NOP58: variants seen among roughly 807,000 people sequenced by gnomAD.
The protein encoded by NOP58 is NOP58 ribonucleoprotein, also known as nucleolar protein 58.
A neutral mutation model predicts 71.2 loss-of-function variants in NOP58; 44 were observed. That is an observed-to-expected ratio of 0.62 (90% CI 0.49 to 0.79). NOP58 has a LOEUF of 0.79. Among genes scored for constraint, NOP58 ranks in the 30% least tolerant of loss-of-function variants. The pLI is 0.00. For synonymous variants in NOP58, 228 were observed against 200.3 expected (o/e 1.14, Z -1.17); for missense variants, 538 against 620.2 (o/e 0.87, Z 1.41).
At chr2:202,282,221 C>A (rs975135794) in intron 3 of NOP58, 130 bp from the exon 4 acceptor site, 5 of 680,414 alleles carry the variant, frequency 7.3e-6, no homozygotes, top group Non-Finnish European at 1.2e-5. Flanking sequence ...TATATCATTT[C>A]ATTTCAGAAG....
At chr2:202,289,281 A>G (rs180766716) in intron 6 of NOP58, among the ~76,000 whole-genome samples, 31 of 152,362 alleles carry the variant, frequency 2.0e-4, no homozygotes, top group African/African-American at 6.5e-4. Flanking sequence ...TAACAGATGA[A>G]TGGATAAACT....
intron 1 of NOP58, among the ~76,000 whole-genome samples, chr2:202,269,721 A>G (rs1337265359): frequency 6.6e-6 from 1 of 152,056 alleles, no homozygotes. Flanking sequence ...AGCCTGGGCG[A>G]CAGGGCAAGA....
chr2:202,276,311 G>A (rs1324287175), intron 2 of NOP58: 2 of 245,104 alleles, frequency 8.2e-6, no homozygotes, highest in Non-Finnish European at 1.7e-5. Context: ...CTGCACTCCA[G>A]TCTGGGTGTC....
Position 202,303,534 on chromosome 2 carries a change from T to G in NOP58, c.*98T>G. On this transcript the variant is annotated 3_prime_UTR_variant, in exon 15 of 15. Transcript: ENST00000264279. ...GCTCTCTAACGTAATCAAGGGAAGGTTCAGTAAGACAAAGTGATTTATCAT... is the reference window on the plus strand; with the variant it reads ...GCTCTCTAACGTAATCAAGGGAAGGGTCAGTAAGACAAAGTGATTTATCAT... 2 of 1,447,608 alleles carry G rather than the reference T, an allele frequency of 1.4e-6. No individual in the cohort carries two copies. The highest frequency in any genetic ancestry group is 1.8e-6 in the Non-Finnish European group (2 of 1,092,074). 89.7% of individuals were successfully genotyped at this position (1,447,608 alleles called of 1,614,324 possible). A position where few individuals can be genotyped will look rare whatever the true frequency, so the allele number is the denominator to read the frequency against.
Position 202,297,499 on chromosome 2 carries a change from T to C in NOP58, c.1192T>C (p.Leu398=). 2 of 1,613,906 alleles carry C rather than the reference T, an allele frequency of 1.2e-6. No individual in the cohort carries two copies. Among genetic ancestry groups the C allele is most frequent in the Non-Finnish European group, 1.7e-6 (2 of 1,179,860 alleles). The change falls in exon 11 of 15, where the codon TTG becomes CTG. Residue 398 remains leucine, a synonymous_variant. Coordinates refer to ENST00000264279, the MANE Select transcript of NOP58 (RefSeq NM_015934.5). ...CAAATTAGAGGCCAGGTTGAGAACT[T>C]TGGAAGACAGAGGGGTAAGAACTAC... ...RAKLEARLRT[L]EDRGIRKISG... is the part of the protein sequence containing the mutation.
At chr2:202,292,634 T>G in intron 8 of NOP58, 143 bp from the exon 9 acceptor site, 1 of 611,308 alleles carries the variant, frequency 1.6e-6, no homozygotes, top group South Asian at 2.2e-5. Context: ...AAAAGAAAAC[T>G]GATGTTAGGC....
chr2:202,301,435 G>C (rs889467688), intron 13 of NOP58, among the ~76,000 whole-genome samples: 12 of 151,776 alleles, frequency 7.9e-5, no homozygotes, highest in African/African-American at 2.9e-4. Context: ...CACCCACTCC[G>C]GCCTCCCAAA....
In NOP58 at chr2:202,271,785, G is replaced by C. The variant is rs377330875; in HGVS notation, c.46-3328G>C. ...AAGCAAGCCCCTGTCTCTACAAAAA[G>C]ATTTTTAAAAGAGCTAGATGTCGCA... On this transcript the variant is annotated intron_variant, in intron 1 of 14. Coordinates refer to ENST00000264279, the MANE Select transcript of NOP58 (RefSeq NM_015934.5). Among the ~76,000 whole-genome samples, 7 of 151,842 alleles carry C rather than the reference G, an allele frequency of 4.6e-5. No individual in the cohort carries two copies. The South Asian group carries it at 1.5e-3, about 32-fold the overall frequency.
chr2:202,292,350 A>G (rs1324884927), intron 8 of NOP58, among the ~76,000 whole-genome samples: 1 of 152,106 alleles, frequency 6.6e-6, no homozygotes, highest in Non-Finnish European at 1.5e-5. Context: ...CAGTGGACCA[A>G]GTAGTTTACA....
At chr2:202,292,647 A>T in intron 8 of NOP58, 130 bp from the exon 9 acceptor site, 1 of 671,132 alleles carries the variant, frequency 1.5e-6, no homozygotes, top group East Asian at 2.7e-5. Flanking sequence ...TGTTAGGCAT[A>T]GGTGATGTAC....
At chr2:202,267,268 T>C (rs781752961) in intron 1 of NOP58, among the ~76,000 whole-genome samples, 57 of 152,332 alleles carry the variant, frequency 3.7e-4, no homozygotes, top group Non-Finnish European at 7.9e-4. Flanking sequence ...AATACAATTT[T>C]AGCTATGAAC....
intron 5 of NOP58, among the ~76,000 whole-genome samples, chr2:202,285,285 A>G (rs1445309703): frequency 1.3e-5 from 2 of 149,364 alleles, no homozygotes; most frequent in Non-Finnish European, 3.0e-5. Flanking sequence ...CAAATGATCC[A>G]TCCGCCTTGG....
chr2:202,268,852 C>T (rs1197881054), intron 1 of NOP58, among the ~76,000 whole-genome samples: 1 of 152,100 alleles, frequency 6.6e-6, no homozygotes, highest in Non-Finnish European at 1.5e-5. Flanking sequence ...AGGTGATCTG[C>T]CCGCCTCAGC....
At chr2:202,285,042 T>C (rs761814643) in intron 5 of NOP58, among the ~76,000 whole-genome samples, 3 of 151,934 alleles carry the variant, frequency 2.0e-5, no homozygotes, top group Non-Finnish European at 2.9e-5. Context: ...TTTGTTTTGT[T>C]TTTGTTTTGT....
chr2:202,274,364 T>C (rs1688555392), intron 1 of NOP58, among the ~76,000 whole-genome samples: 1 of 151,388 alleles, frequency 6.6e-6, no homozygotes, highest in Non-Finnish European at 1.5e-5. Context: ...GTGGCGGGGA[T>C]TACAGGCATG....
chr2:202,302,769 C>A, intron 13 of NOP58, 152 bp from the exon 14 acceptor site: 1 of 981,268 alleles, frequency 1.0e-6, no homozygotes, highest in South Asian at 1.8e-5. Context: ...TAGTGGTAGG[C>A]CTTGGAGAAC....
chr2:202,283,143 C>A (rs1430814042), intron 4 of NOP58, among the ~76,000 whole-genome samples: 1 of 152,198 alleles, frequency 6.6e-6, no homozygotes, highest in Non-Finnish European at 1.5e-5. Flanking sequence ...TCACTGCAGA[C>A]TTGACCTCCT....
chr2:202,286,777 A>G (rs1272853324), intron 5 of NOP58, among the ~76,000 whole-genome samples: 10 of 152,168 alleles, frequency 6.6e-5, no homozygotes, highest in Non-Finnish European at 8.8e-5. Context: ...GTCTATGTCC[A>G]TAGACATTTT....
chr2:202,291,774 C>T (rs1315495029), intron 8 of NOP58, among the ~76,000 whole-genome samples: 1 of 132,056 alleles, frequency 7.6e-6, no homozygotes, highest in Admixed American at 8.9e-5. Context: ...ACCATTGCAT[C>T]CAGCCTGGGC....
Sources: allele counts gnomAD v4.1 joint callset (sites outside exome capture counted in the v4.1 genomes callset), GRCh38; gene constraint gnomAD v4.1.1; transcripts MANE v1.5; gene names NCBI Gene and HGNC (gene_info 2026-07-23, HGNC 2026-07-21).